Variants in ZNF112 observed in about 807,000 individuals in gnomAD.
ZNF112 encodes the protein zinc finger protein 112, also known as zinc finger protein 112 (Y14).
ZNF112 carries 37 observed loss-of-function variants against 77.7 expected under a neutral mutation model. That is an observed-to-expected ratio of 0.48 (90% CI 0.37 to 0.63). ZNF112 has a LOEUF of 0.63. Among genes scored for constraint, ZNF112 ranks in the 20% least tolerant of loss-of-function variants. The probability of loss-of-function intolerance (pLI) is 0.00; values close to 1 mark genes in which losing one functional copy is unlikely to be tolerated. For missense variants in ZNF112, 950 were observed against 1,077.4 expected, an observed-to-expected ratio of 0.88 and a Z score of 1.66; for synonymous variants, 333 against 363.6, an observed-to-expected ratio of 0.92 and a Z score of 0.96.
intron 2 of ZNF112, 142 bp downstream of exon 2, chr19:44,340,274 T>C: frequency 9.0e-7 from 1 of 1,111,898 alleles, no homozygotes. Flanking sequence ...AAACATCTTG[T>C]CTGTGTTGCA....
chr19:44,337,841 ACACAC>A (rs752638710), intron 2 of ZNF112, among the ~76,000 whole-genome samples: 55,040 of 135,314 alleles, frequency 0.41, 11,867 homozygotes, highest in South Asian at 0.55. Context: ...ACATACACAT[ACACAC>A]ACACACACAC....
chr19:44,331,512 T>G (rs550148097), intron 3 of ZNF112, among the ~76,000 whole-genome samples: 1 of 152,352 alleles, frequency 6.6e-6, no homozygotes, highest in South Asian at 2.1e-4. Flanking sequence ...ATTAATAACA[T>G]GCATTCTTCT....
chr19:44,327,776 A>C lies in ZNF112; in HGVS notation c.2381T>G (p.Val794Gly), dbSNP rs1471332565. 1 of 1,613,888 alleles carries C rather than the reference A, an allele frequency of 6.2e-7. No homozygotes were observed. Among genetic ancestry groups the C allele is most frequent in the South Asian group, 1.1e-5 (1 of 91,056 alleles). The part of the protein sequence containing the change: ...SRLQAHQRVH[V>G]EGRPYKCEQC... ...TTCACATTTATAGGGTCTCCCTTCC[A>C]CATGAACCCTTTGGTGTGCTTGAAG... Residue 794 changes from valine to glycine, a missense_variant, in exon 4 of 4, where the codon GTG becomes GGG. By Grantham distance (109) the Val-to-Gly change is moderately radical (BLOSUM62 -3). This residue lies in a region of ZNF112 where 373 missense variants were observed against 482.8 expected (regional missense o/e 0.77). Transcript: ENST00000354340.
chr19:44,332,124 CTAT>C, intron 3 of ZNF112, among the ~76,000 whole-genome samples: 1 of 152,242 alleles, frequency 6.6e-6, no homozygotes, highest in Non-Finnish European at 1.5e-5. Context: ...ATGCAGTGAC[CTAT>C]TAATATAATT....
upstream of ZNF112, among the ~76,000 whole-genome samples, chr19:44,356,992 G>A (rs1970798403): frequency 2.6e-5 from 4 of 152,298 alleles, no homozygotes; most frequent in South Asian, 8.3e-4. Flanking sequence ...AGCGGACCGT[G>A]CATGAAAGGC....
chr19:44,352,986 A>C (rs1169302389), intron 1 of ZNF112, among the ~76,000 whole-genome samples: 1 of 152,120 alleles, frequency 6.6e-6, no homozygotes, highest in Non-Finnish European at 1.5e-5. Flanking sequence ...GCTGATTCTA[A>C]AATGCATATG....
intron 1 of ZNF112, among the ~76,000 whole-genome samples, chr19:44,350,672 A>C (rs1337633868): frequency 1.3e-5 from 2 of 152,070 alleles, no homozygotes; most frequent in African/African-American, 4.8e-5. Flanking sequence ...TAAAACAAGT[A>C]ATATCTCAAT....
chr19:44,355,303 A>G (rs1393046338), intron 1 of ZNF112, among the ~76,000 whole-genome samples: 1 of 152,170 alleles, frequency 6.6e-6, no homozygotes, highest in Non-Finnish European at 1.5e-5. Context: ...TAATATTGTT[A>G]CTGTTATATC....
upstream of ZNF112, among the ~76,000 whole-genome samples, chr19:44,360,076 G>C (rs913762034): frequency 4.8e-5 from 7 of 144,494 alleles, no homozygotes; most frequent in Non-Finnish European, 4.6e-5. Flanking sequence ...CTAACACAGT[G>C]AAACCCCGTT....
intron 1 of ZNF112, among the ~76,000 whole-genome samples, chr19:44,349,930 A>G (rs1360447628): frequency 6.6e-6 from 1 of 152,084 alleles, no homozygotes; most frequent in Non-Finnish European, 1.5e-5. Context: ...GATGTTACTA[A>G]TGTTGCTCAG....
chr19:44,329,581 A>C lies in ZNF112; in HGVS notation c.576T>G (p.Cys192Trp). ...AATGATTTTTCATGGAAATTTGCTG[A>C]CATCTACACTGATAATTATGTGACT... is the stretch of plus-strand genomic sequence containing the variant. ...LKESHNYQCR[C>W]QQISMKNHFC... Residue 192 changes from cysteine (C) to tryptophan (W), a missense_variant, in exon 4 of 4, where the codon TGT becomes TGG. Cys to Trp is a radical substitution (Grantham distance 215, BLOSUM62 -2). Around this residue, in one of 3 missense-constraint regions of ZNF112, gnomAD observed 560 missense variants for 557.3 expected, o/e 1.00. Coordinates refer to ENST00000354340, the MANE Select transcript of ZNF112 (RefSeq NM_013380.4). 1 of 1,614,086 alleles carries C rather than the reference A, an allele frequency of 6.2e-7. No homozygotes were observed. The highest frequency in any genetic ancestry group is 8.5e-7 in the Non-Finnish European group (1 of 1,179,996).
chr19:44,327,543 T>C lies in ZNF112; in HGVS notation c.2614A>G (p.Ile872Val). Residue 872 changes from isoleucine (I) to valine (V), a missense_variant, in exon 4 of 4, where the codon ATT becomes GTT. Around this residue, in one of 3 missense-constraint regions of ZNF112, gnomAD observed 373 missense variants for 482.8 expected, o/e 0.77. Transcript: ENST00000354340. ...KGFRWSSGLL[I>V]HQRVHSSDKF... The stretch of plus-strand genomic sequence containing the variant: ...TCACTACTATGGACTCTTTGATGAA[T>C]GAGAAGACCTGAGCTCCAACGGAAA... 6.2e-7 allele frequency: 1 copy of C among 1,613,944 alleles called. No homozygotes were observed. The highest frequency in any genetic ancestry group is 8.5e-7 in the Non-Finnish European group (1 of 1,179,868).
At chr19:44,333,723 C>T (rs769709758) in intron 3 of ZNF112, among the ~76,000 whole-genome samples, 1 of 152,126 alleles carries the variant, frequency 6.6e-6, no homozygotes, top group South Asian at 2.1e-4. Flanking sequence ...CTGAGGCCTC[C>T]CCAGCCATGC....
At position 44,332,054 on chromosome 19, in the gene ZNF112, G is replaced by A. The variant is rs541569953; in HGVS notation, c.221-2118C>T. Among the ~76,000 whole-genome samples, 5 of 152,312 alleles carry A rather than the reference G, an allele frequency of 3.3e-5. No individual in the cohort carries two copies. The East Asian group carries it at 9.6e-4, about 29-fold the overall frequency. Reference sequence around the variant, plus strand: ...GAGCCAGGCATGGTGACGCAATCCTGTAGACCCAGCTACTCAGAAAGCTGA... The same window carrying A: ...GAGCCAGGCATGGTGACGCAATCCTATAGACCCAGCTACTCAGAAAGCTGA... On this transcript the variant is annotated intron_variant, in intron 3 of 3. Transcript: ENST00000354340.
chr19:44,356,114 C>A (rs1312205752), intron 1 of ZNF112, among the ~76,000 whole-genome samples: 2 of 152,202 alleles, frequency 1.3e-5, no homozygotes, highest in Non-Finnish European at 2.9e-5. Context: ...GCAGCTGGAG[C>A]TCTGACCCCA....
In ZNF112 at chr19:44,344,807, G is replaced by A. The variant is rs1266147289; in HGVS notation, c.-3-4265C>T. On this transcript the variant is annotated intron_variant, in intron 1 of 3. Coordinates refer to ENST00000354340, the MANE Select transcript of ZNF112 (RefSeq NM_013380.4). ...CCACTCAAAGAGAAAGGAGTCATCA[G>A]ACTATTGAAACAGAATGAGAGTTAG... Among the ~76,000 whole-genome samples the A allele has an allele frequency of 2.0e-5, 3 of 152,118 alleles. No individual in the cohort carries two copies. The South Asian group carries it at 6.2e-4, about 32-fold the overall frequency.
chr19:44,328,452 G>C lies in ZNF112; in HGVS notation c.1705C>G (p.His569Asp). The C allele has an allele frequency of 6.2e-7, 1 of 1,614,134 alleles. No homozygotes were observed. The highest frequency in any genetic ancestry group is 1.1e-5 in the South Asian group (1 of 91,088). Residue 569 changes from histidine to aspartate, a missense_variant, in exon 4 of 4, where the codon CAC (histidine) becomes GAC (aspartate). By Grantham distance (81) the His-to-Asp change is moderately conservative (BLOSUM62 -1). Coordinates refer to ENST00000354340, the MANE Select transcript of ZNF112 (RefSeq NM_013380.4). ...CATTTATAAGGTTTTTCTCCAGTGTGGACTCTCTGATGGGCTTGAAGATAT... is the reference window on the plus strand; with the variant it reads ...CATTTATAAGGTTTTTCTCCAGTGTCGACTCTCTGATGGGCTTGAAGATAT... ...SSYLQAHQRV[H>D]TGEKPYKCEE...
chr19:44,336,905 C>T (rs1458198779), intron 2 of ZNF112, among the ~76,000 whole-genome samples, 187 bp from the exon 3 acceptor site: 1 of 150,672 alleles, frequency 6.6e-6, no homozygotes, highest in Non-Finnish European at 1.5e-5. Context: ...TAGGCTCTCA[C>T]TTTTCTGCCT....
At chr19:44,355,608 A>C (rs545921722) in intron 1 of ZNF112, among the ~76,000 whole-genome samples, 99 of 152,312 alleles carry the variant, frequency 6.5e-4, no homozygotes, top group African/African-American at 2.2e-3. Context: ...GGGTGACCTA[A>C]AGATAAACCA....
Sources: gnomAD v4.1 joint callset for allele counts (sites outside exome capture counted in the v4.1 genomes callset) on GRCh38, gnomAD v4.1.1 for gene constraint, gnomAD v4.1.1 regional missense constraint, MANE v1.5 for transcripts, NCBI Gene and HGNC (gene_info 2026-07-23, HGNC 2026-07-21) for gene names.